The following TENM2 variants were observed in gnomAD, a reference collection of about 807,000 sequenced individuals.
TENM2 encodes teneurin transmembrane protein 2.
Under a neutral mutation model 245.2 loss-of-function variants are expected in TENM2, and 52 were observed. That is an observed-to-expected ratio of 0.21 (90% CI 0.17 to 0.27). TENM2 has a LOEUF of 0.27. Among genes scored for constraint, TENM2 ranks in the 10% least tolerant of loss-of-function variants. TENM2 has a pLI of 1.00. For synonymous variants in TENM2, 1,363 were observed against 1,438.9 expected (o/e 0.95, Z 1.19); for missense variants, 3,046 against 3,666.8 (o/e 0.83, Z 4.37).
intron 7 of TENM2, among the ~76,000 whole-genome samples, chr5:168,080,064 C>CTT (rs573244368): frequency 6.6e-6 from 1 of 152,070 alleles, no homozygotes; most frequent in Non-Finnish European, 1.5e-5. Flanking sequence ...TGGTCCTAGA[C>CTT]TTTTTTTGGT....
chr5:167,328,610 T>G (rs1472132921), intron 1 of TENM2, among the ~76,000 whole-genome samples: 1 of 152,344 alleles, frequency 6.6e-6, no homozygotes, highest in Admixed American at 6.5e-5. Flanking sequence ...GCTGCCTCAC[T>G]GGCCTTCTCC....
chr5:168,150,779 G>A (rs1436323845), intron 12 of TENM2, among the ~76,000 whole-genome samples: 2 of 152,170 alleles, frequency 1.3e-5, no homozygotes, highest in East Asian at 3.9e-4. Flanking sequence ...GGCTAGGGGG[G>A]CGCAAAGTGC....
At chr5:168,238,839 G>A (rs547676036) in intron 25 of TENM2, among the ~76,000 whole-genome samples, 25 of 152,260 alleles carry the variant, frequency 1.6e-4, no homozygotes, top group Middle Eastern at 3.4e-3. Flanking sequence ...ATTAACTGGG[G>A]AAGCCAGGCT....
intron 5 of TENM2, among the ~76,000 whole-genome samples, chr5:168,047,225 AG>A (rs1203365999): frequency 4.6e-5 from 7 of 152,066 alleles, no homozygotes; most frequent in Non-Finnish European, 5.9e-5. Flanking sequence ...TGAGACTGTG[AG>A]CAGCAGCGCC....
chr5:167,158,935 C>CTTCT, the TENM2 span, among the ~76,000 whole-genome samples: 1 of 122,668 alleles, frequency 8.2e-6, no homozygotes, highest in East Asian at 2.4e-4. Context: ...TCTCTCTCTC[C>CTTCT]TTCTTTCTTT....
At chr5:167,934,093 T>G (rs1194637119) in intron 3 of TENM2, among the ~76,000 whole-genome samples, 1 of 152,124 alleles carries the variant, frequency 6.6e-6, no homozygotes, top group African/African-American at 2.4e-5. Flanking sequence ...ATCAAACCAA[T>G]TTTAGAAATC....
At chr5:167,797,197 C>T (rs1185453626) in intron 2 of TENM2, among the ~76,000 whole-genome samples, 1 of 152,130 alleles carries the variant, frequency 6.6e-6, no homozygotes, top group Non-Finnish European at 1.5e-5. Context: ...GTTGTCAGAT[C>T]TGCTGATTTT....
chr5:168,155,639 G>A (rs574475150), intron 12 of TENM2, among the ~76,000 whole-genome samples: 1 of 152,208 alleles, frequency 6.6e-6, no homozygotes, highest in East Asian at 1.9e-4. Flanking sequence ...GACACTTGAT[G>A]AACCTTCATT....
At chr5:167,661,735 G>T (rs1366007912) in intron 2 of TENM2, among the ~76,000 whole-genome samples, 1 of 152,198 alleles carries the variant, frequency 6.6e-6, no homozygotes, top group African/African-American at 2.4e-5. Flanking sequence ...GGTATAATTA[G>T]CTTCAGGCTT....
At chr5:167,602,973 T>C (rs989230059) in intron 2 of TENM2, among the ~76,000 whole-genome samples, 2 of 152,196 alleles carry the variant, frequency 1.3e-5, no homozygotes, top group African/African-American at 4.8e-5. Context: ...GGAAGAAGCC[T>C]GCCATGGGAA....
chr5:168,068,414 A>G (rs983195855), intron 7 of TENM2, among the ~76,000 whole-genome samples: 15 of 152,178 alleles, frequency 9.9e-5, no homozygotes, highest in African/African-American at 3.1e-4. Flanking sequence ...TCCTCAAGTG[A>G]AATCTTATAT....
intron 2 of TENM2, among the ~76,000 whole-genome samples, chr5:167,471,535 A>G (rs1767027703): frequency 6.9e-6 from 1 of 145,110 alleles, no homozygotes; most frequent in African/African-American, 2.8e-5. Flanking sequence ...ATCTTCAATA[A>G]AAAAAATCAG....
At chr5:167,776,624 A>AAAAAAAAAAAAAC (rs1561769493) in intron 2 of TENM2, among the ~76,000 whole-genome samples, 3 of 61,256 alleles carry the variant, frequency 4.9e-5, no homozygotes, top group African/African-American at 1.5e-4. Flanking sequence ...AAAAAAAAAA[A>AAAAAAAAAAAAAC]AACCATATAT....
At chr5:167,056,661 A>G in the TENM2 span, among the ~76,000 whole-genome samples, 1 of 147,310 alleles carries the variant, frequency 6.8e-6, no homozygotes, top group Non-Finnish European at 1.5e-5. Flanking sequence ...ATATAAATAT[A>G]TATGTGCCAT....
intron 2 of TENM2, among the ~76,000 whole-genome samples, chr5:167,526,454 G>T (rs891813758): frequency 1.3e-5 from 2 of 151,150 alleles, no homozygotes; most frequent in African/African-American, 2.4e-5. Flanking sequence ...AGAATACATG[G>T]TTGTCTATTT....
At chr5:168,026,721 T>C (rs1289415243) in intron 5 of TENM2, among the ~76,000 whole-genome samples, 1 of 152,106 alleles carries the variant, frequency 6.6e-6, no homozygotes, top group African/African-American at 2.4e-5. Flanking sequence ...AGCACTTATC[T>C]CATAGGGGAG....
chr5:168,122,270 G>A (rs987139131), intron 10 of TENM2, among the ~76,000 whole-genome samples: 5 of 152,184 alleles, frequency 3.3e-5, no homozygotes, highest in African/African-American at 4.8e-5. Flanking sequence ...TCCGCCTCCC[G>A]GGTTCACACC....
At chr5:168,179,134 G>GAA (rs35502066) in intron 13 of TENM2, among the ~76,000 whole-genome samples, 31 of 99,916 alleles carry the variant, frequency 3.1e-4, no homozygotes, top group Non-Finnish European at 3.6e-4. Flanking sequence ...GACTCTGCCT[G>GAA]AAAAAAAAAA....
At chr5:167,408,272 G>T (rs1762735494) in intron 2 of TENM2, among the ~76,000 whole-genome samples, 1 of 152,120 alleles carries the variant, frequency 6.6e-6, no homozygotes, top group South Asian at 2.1e-4. Flanking sequence ...TAAGGAGTTT[G>T]CTTGGAAAAA....
Sources: gnomAD v4.1 joint callset for allele counts (sites outside exome capture counted in the v4.1 genomes callset) on GRCh38, gnomAD v4.1.1 for gene constraint, MANE v1.5 for transcripts, NCBI Gene and HGNC (gene_info 2026-07-23, HGNC 2026-07-21) for gene names.